CFAP299: variants seen among roughly 807,000 people sequenced by gnomAD.
CFAP299 encodes cilia- and flagella-associated protein 299.
Under a neutral mutation model 27.0 loss-of-function variants are expected in CFAP299, and 21 were observed. That is an observed-to-expected ratio of 0.78 (90% CI 0.55 to 1.12). CFAP299 has a LOEUF of 1.12. CFAP299 is among the 50% of genes most tolerant of loss of function. CFAP299 has a pLI of 0.00. For missense variants in CFAP299, 310 were observed against 276.6 expected, an observed-to-expected ratio of 1.12 and a Z score of -0.86; for synonymous variants, 104 against 98.1, an observed-to-expected ratio of 1.06 and a Z score of -0.36.
At chr4:80,459,748 A>C (rs1216570224) in intron 2 of CFAP299, among the ~76,000 whole-genome samples, 1 of 152,190 alleles carries the variant, frequency 6.6e-6, no homozygotes, top group African/African-American at 2.4e-5. Flanking sequence ...AACTGGTATG[A>C]AATTCTTACC....
Position 80,815,702 on chromosome 4 carries a change from T to G in CFAP299, c.334-54291T>G, listed in dbSNP as rs969406906. On this transcript the variant is annotated intron_variant, in intron 3 of 5. Transcript: ENST00000358105. Reference sequence around the variant, plus strand: ...ATAAGCATATTGTGGAGCCCTGAAATAATCTCCAAATCAAACATAAAAATG... The same window carrying G: ...ATAAGCATATTGTGGAGCCCTGAAAGAATCTCCAAATCAAACATAAAAATG... Among the ~76,000 whole-genome samples, 5 of 152,028 alleles carry G rather than the reference T, an allele frequency of 3.3e-5. No individual in the cohort carries two copies. In the East Asian group the frequency reaches 9.7e-4, roughly 29 times the overall value.
intron 2 of CFAP299, among the ~76,000 whole-genome samples, chr4:80,581,725 C>A (rs1283768759): frequency 6.6e-6 from 1 of 151,584 alleles, no homozygotes; most frequent in Non-Finnish European, 1.5e-5. Context: ...ATCAGATATT[C>A]ATCATCTCTT....
intron 3 of CFAP299, among the ~76,000 whole-genome samples, chr4:80,639,094 C>T (rs1739595541): frequency 6.6e-6 from 1 of 152,086 alleles, no homozygotes; most frequent in African/African-American, 2.4e-5. Context: ...ACCTAATTAC[C>T]TCCCAAAGGC....
intron 2 of CFAP299, among the ~76,000 whole-genome samples, chr4:80,554,296 C>A (rs1238723051): frequency 6.6e-6 from 1 of 151,938 alleles, no homozygotes; most frequent in African/African-American, 2.4e-5. Flanking sequence ...ATCAGATTGT[C>A]ATAGGTGTGT....
At chr4:80,878,766 G>A (rs1375420054) in intron 4 of CFAP299, among the ~76,000 whole-genome samples, 1 of 152,100 alleles carries the variant, frequency 6.6e-6, no homozygotes, top group Non-Finnish European at 1.5e-5. Flanking sequence ...AGTTAAAGCT[G>A]TAAGTGGAGC....
At chr4:80,440,462 C>T (rs1424372548) in intron 2 of CFAP299, among the ~76,000 whole-genome samples, 1 of 152,102 alleles carries the variant, frequency 6.6e-6, no homozygotes, top group Non-Finnish European at 1.5e-5. Flanking sequence ...AGCAGAGGGG[C>T]CTGACTGATA....
chr4:80,705,472 C>G (rs926313118), intron 3 of CFAP299, among the ~76,000 whole-genome samples: 48 of 151,792 alleles, frequency 3.2e-4, no homozygotes, highest in Non-Finnish European at 2.8e-4. Flanking sequence ...TATCCAGAAC[C>G]CTGTCACGTG....
intron 2 of CFAP299, among the ~76,000 whole-genome samples, chr4:80,406,671 C>A (rs1726441161): frequency 6.6e-6 from 1 of 152,108 alleles, no homozygotes; most frequent in Non-Finnish European, 1.5e-5. Flanking sequence ...TGCCCAGCCC[C>A]TAGTACAAAC....
intron 3 of CFAP299, among the ~76,000 whole-genome samples, chr4:80,639,042 C>T (rs922955590): frequency 2.0e-5 from 3 of 152,130 alleles, no homozygotes; most frequent in African/African-American, 7.2e-5. Context: ...TATAAGGCCA[C>T]TACTCCTATT....
intron 4 of CFAP299, among the ~76,000 whole-genome samples, chr4:80,944,031 A>G (rs899464880): frequency 3.3e-5 from 5 of 151,996 alleles, no homozygotes; most frequent in East Asian, 1.9e-4. Flanking sequence ...ACGCCACTGC[A>G]CTCCAGCCTG....
intron 5 of CFAP299, among the ~76,000 whole-genome samples, chr4:80,950,101 T>C (rs1436976106): frequency 6.6e-6 from 1 of 152,002 alleles, no homozygotes; most frequent in Non-Finnish European, 1.5e-5. Flanking sequence ...AGAAAAGTTT[T>C]TGAGAGAGCT....
chr4:80,485,520 G>A (rs1730770005), intron 2 of CFAP299, among the ~76,000 whole-genome samples: 1 of 151,842 alleles, frequency 6.6e-6, no homozygotes, highest in Admixed American at 6.6e-5. Flanking sequence ...AAGATAATTG[G>A]GAGAAATTTG....
intron 2 of CFAP299, among the ~76,000 whole-genome samples, chr4:80,528,570 C>T (rs1231731435): frequency 1.3e-5 from 2 of 152,092 alleles, no homozygotes; most frequent in Non-Finnish European, 2.9e-5. Context: ...CACATCTGCC[C>T]ACATTATATT....
chr4:80,630,223 G>A (rs924373378), intron 3 of CFAP299, among the ~76,000 whole-genome samples: 1 of 152,064 alleles, frequency 6.6e-6, no homozygotes. Context: ...TTGTGTATAC[G>A]TTTTTCTTTT....
rs139328967 is a variant in CFAP299 at position 80,613,232 on chromosome 4, T to G, written c.333+30049T>G. Among the ~76,000 whole-genome samples, 771 of 152,186 alleles carry G rather than the reference T, an allele frequency of 5.1e-3. 5 individuals are homozygous for G. The highest frequency in any genetic ancestry group is 0.02 in the Middle Eastern group (6 of 294). ...TTAAATATTTTCTAGTATATTTGGT[T>G]TGTGCAGGAAGTAGAAAATTCATTT... On this transcript the variant is annotated intron_variant, in intron 3 of 5. Coordinates refer to ENST00000358105, the MANE Select transcript of CFAP299 (RefSeq NM_152770.3).
chr4:80,338,374 A>G (rs932245561), intron 1 of CFAP299, among the ~76,000 whole-genome samples: 1 of 152,190 alleles, frequency 6.6e-6, no homozygotes, highest in Non-Finnish European at 1.5e-5. Context: ...ACAATGTTAT[A>G]CAAGAGATCT....
intron 3 of CFAP299, among the ~76,000 whole-genome samples, chr4:80,835,321 A>G (rs746224281): frequency 2.3e-4 from 35 of 151,874 alleles, no homozygotes; most frequent in Non-Finnish European, 5.0e-4. Context: ...GGTGGTCTTG[A>G]TCTCCTGACC....
intron 2 of CFAP299, among the ~76,000 whole-genome samples, chr4:80,376,922 G>T (rs1724443724): frequency 6.6e-6 from 1 of 152,062 alleles, no homozygotes; most frequent in Non-Finnish European, 1.5e-5. Context: ...CCCAAAGTGA[G>T]CATCTTTTTA....
intron 2 of CFAP299, among the ~76,000 whole-genome samples, chr4:80,466,303 T>C (rs990875712): frequency 3.3e-5 from 5 of 152,268 alleles, no homozygotes; most frequent in African/African-American, 1.2e-4. Context: ...AAAGGAAATA[T>C]AAGTCATGGA....
Sources: gnomAD v4.1 joint callset for allele counts (sites outside exome capture counted in the v4.1 genomes callset) on GRCh38, gnomAD v4.1.1 for gene constraint, MANE v1.5 for transcripts, NCBI Gene and HGNC (gene_info 2026-07-23, HGNC 2026-07-21) for gene names.